DYNC2I1: variants seen among roughly 807,000 people sequenced by gnomAD.
DYNC2I1 encodes the protein cytoplasmic dynein 2 intermediate chain 1.
In DYNC2I1, 89 loss-of-function variants were observed where a neutral mutation model predicts 133.4. The observed-to-expected ratio is 0.67, with a 90% CI of 0.56 to 0.80. The LOEUF (loss-of-function observed/expected upper bound fraction) is 0.80, where lower values mean the gene tolerates loss of function less well. Ranked by LOEUF, DYNC2I1 falls within the 30% of genes least tolerant of loss-of-function variation. DYNC2I1 has a pLI of 0.00. For synonymous variants in DYNC2I1, 504 were observed against 484.3 expected, an observed-to-expected ratio of 1.04 and a Z score of -0.54; for missense variants, 1,291 against 1,314.5, an observed-to-expected ratio of 0.98 and a Z score of 0.28.
At chr7:158,938,809 G>GA (rs897988080) in intron 23 of DYNC2I1, among the ~76,000 whole-genome samples, 5 of 149,562 alleles carry the variant, frequency 3.3e-5, no homozygotes, top group Non-Finnish European at 4.5e-5. Flanking sequence ...CAACCTGAAA[G>GA]AAAAAAAAAT....
At chr7:158,864,124 G>C (rs570711938) in intron 1 of DYNC2I1, among the ~76,000 whole-genome samples, 1 of 151,292 alleles carries the variant, frequency 6.6e-6, no homozygotes, top group African/African-American at 2.4e-5. Flanking sequence ...CGGGTGTGGG[G>C]GGGGGAGCAG....
At chr7:158,911,855 C>T (rs1234194487) in intron 12 of DYNC2I1, among the ~76,000 whole-genome samples, 176 bp downstream of exon 12, 1 of 152,170 alleles carries the variant, frequency 6.6e-6, no homozygotes, top group Non-Finnish European at 1.5e-5. Context: ...CCCGAGAGGC[C>T]GGGCACAGGC....
At chr7:158,923,139 A>G (rs752115408) in intron 16 of DYNC2I1, among the ~76,000 whole-genome samples, 2 of 152,150 alleles carry the variant, frequency 1.3e-5, no homozygotes, top group African/African-American at 2.4e-5. Context: ...TTTCCTAGTT[A>G]TGTATTCCCT....
At chr7:158,924,588 G>A (rs910068018) in intron 17 of DYNC2I1, among the ~76,000 whole-genome samples, 5 of 151,722 alleles carry the variant, frequency 3.3e-5, no homozygotes, top group African/African-American at 7.3e-5. Flanking sequence ...TGAATTTATC[G>A]CAACTTATGG....
chr7:158,934,692 CA>C, intron 23 of DYNC2I1, 143 bp downstream of exon 23: 1 of 804,112 alleles, frequency 1.2e-6, no homozygotes, highest in South Asian at 1.8e-5. Flanking sequence ...ATGACCCTCC[CA>C]CCTCAGCCTC....
chr7:158,884,044 C>G (rs865839658), intron 5 of DYNC2I1, among the ~76,000 whole-genome samples: 1 of 138,682 alleles, frequency 7.2e-6, no homozygotes, highest in Non-Finnish European at 1.6e-5. Context: ...TTTTAAAAAA[C>G]AATTTTTTTT....
intron 20 of DYNC2I1, among the ~76,000 whole-genome samples, chr7:158,929,626 G>T (rs962978111): frequency 3.3e-5 from 5 of 152,264 alleles, no homozygotes; most frequent in African/African-American, 1.2e-4. Flanking sequence ...ACTGGCAGGA[G>T]ATACGCAGCA....
At position 158,894,172 on chromosome 7, in the gene DYNC2I1, G is replaced by C. The variant is rs370423124; in HGVS notation, c.1059+2839G>C. Among the ~76,000 whole-genome samples the C allele has an allele frequency of 5.7e-3, 174 of 30,652 alleles. 7 individuals carry two copies. The South Asian group carries it at 0.12, about 21-fold the overall frequency. The allele number at this position is 30,652 out of a possible 152,430, so 20.1% of individuals were successfully genotyped here. A position where few individuals can be genotyped will look rare whatever the true frequency, so the allele number is the denominator to read the frequency against. On this transcript the variant is annotated intron_variant, in intron 8 of 24. Transcript: ENST00000407559. ...CCACATATCGTACATCATAATGCAT[G>C]TCACACTACGTATCATACTACATAT...
At chr7:158,875,531 C>T (rs145195667) in intron 3 of DYNC2I1, among the ~76,000 whole-genome samples, 256 of 152,306 alleles carry the variant, frequency 1.7e-3, no homozygotes, top group African/African-American at 5.9e-3. Flanking sequence ...AGTGAAAGTC[C>T]AGCTTTCCTT....
At chr7:158,942,360 G>A (rs148980036) in intron 24 of DYNC2I1, among the ~76,000 whole-genome samples, 32 of 152,338 alleles carry the variant, frequency 2.1e-4, no homozygotes, top group African/African-American at 7.5e-4. Flanking sequence ...GGAAGGCAGA[G>A]ATTTCTAGCA....
Position 158,910,644 on chromosome 7 carries a change from CGAGGGCAATTG to C in DYNC2I1, c.1461-893_1461-883del, listed in dbSNP as rs533559854. On this transcript the variant is annotated intron_variant, in intron 11 of 24. Transcript: ENST00000407559. ...ACTTGGCTGTGTCAGGCCTGTGGGC[CGAGGGCAATTG>C]GAGGGCAATTGGCTGTGTCAGGCTC... is the stretch of plus-strand genomic sequence containing the variant. Among the ~76,000 whole-genome samples, 652 of 129,892 alleles carry C rather than the reference CGAGGGCAATTG, an allele frequency of 5.0e-3. 9 individuals are homozygous for C. Among genetic ancestry groups the C allele is most frequent in the African/African-American group, 0.014 (486 of 33,864 alleles). 85.2% of individuals were successfully genotyped at this position (129,892 alleles called of 152,430 possible).
upstream of DYNC2I1, among the ~76,000 whole-genome samples, chr7:158,852,338 T>C (rs542135663): frequency 6.6e-6 from 1 of 151,814 alleles, no homozygotes; most frequent in Non-Finnish European, 1.5e-5. Flanking sequence ...GCCAGGCTAG[T>C]CTTGAATTCC....
the DYNC2I1 span, among the ~76,000 whole-genome samples, chr7:158,841,768 T>C: frequency 6.6e-6 from 1 of 152,224 alleles, no homozygotes; most frequent in Admixed American, 6.5e-5. Context: ...TCTGTGGATG[T>C]GGCGCCTTTG....
chr7:158,939,378 C>T (rs756851700), intron 23 of DYNC2I1, among the ~76,000 whole-genome samples: 15 of 152,112 alleles, frequency 9.9e-5, no homozygotes, highest in African/African-American at 2.7e-4. Context: ...CCTAGGAGGT[C>T]GAAGCTGCAG....
rs112738029 is a variant in DYNC2I1, at chr7:158,888,468, CAT to C, written c.990+1409_990+1410del. On this transcript the variant is annotated intron_variant, in intron 7 of 24. Transcript: ENST00000407559. ...ATTTAACAATTTTGTGCCATACATA[CAT>C]ATATATATATATATACGTTGAGATG... Among the ~76,000 whole-genome samples, 45 of 147,024 alleles carry C rather than the reference CAT, an allele frequency of 3.1e-4. 1 individual carries two copies. The highest frequency in any genetic ancestry group is 6.1e-4 in the East Asian group (3 of 4,938).
At chr7:158,918,892 G>T in intron 15 of DYNC2I1, 23 bp downstream of exon 15, 1 of 1,602,658 alleles carries the variant, frequency 6.2e-7, no homozygotes, top group South Asian at 1.1e-5. Flanking sequence ...TCTCAAATAT[G>T]ATTTTAAATC....
chr7:158,956,098 TTC>T (rs753948097), intron 4 of DYNC2I1, among the ~76,000 whole-genome samples: 32 of 152,242 alleles, frequency 2.1e-4, no homozygotes, highest in Non-Finnish European at 4.1e-4. Context: ...AAATCTGTTT[TTC>T]TCTCATGTGA....
At chr7:158,857,556 T>TTTTA (rs1841402580) in intron 1 of DYNC2I1, among the ~76,000 whole-genome samples, 1 of 148,360 alleles carries the variant, frequency 6.7e-6, no homozygotes, top group African/African-American at 2.5e-5. Context: ...TTTTTTTTTT[T>TTTTA]GAGATGGAGT....
At chr7:158,893,219 C>T (rs935236148) in intron 8 of DYNC2I1, among the ~76,000 whole-genome samples, 8 of 152,136 alleles carry the variant, frequency 5.3e-5, no homozygotes, top group Non-Finnish European at 8.8e-5. Context: ...CCTAAAACCC[C>T]TGTGCTCCGG....
Sources: gnomAD v4.1 joint callset for allele counts (sites outside exome capture counted in the v4.1 genomes callset) on GRCh38, gnomAD v4.1.1 for gene constraint, MANE v1.5 for transcripts, NCBI Gene and HGNC (gene_info 2026-07-23, HGNC 2026-07-21) for gene names.